Variants in CENPW observed in about 807,000 individuals in gnomAD.
The protein encoded by CENPW is centromere protein W.
CENPW carries 3 observed loss-of-function variants against 11.1 expected under a neutral mutation model. The observed-to-expected ratio is 0.27, with a 90% confidence interval of 0.12 to 0.70. CENPW has a LOEUF of 0.70. Ranked by LOEUF, CENPW falls within the 30% of genes least tolerant of loss-of-function variation. The pLI, the probability that CENPW is intolerant of heterozygous loss-of-function variation, is 0.77. For missense variants in CENPW, 100 were observed against 105.6 expected, an observed-to-expected ratio of 0.95 and a Z score of 0.23; for synonymous variants, 38 against 42.0, an observed-to-expected ratio of 0.91 and a Z score of 0.37.
At chr6:126,430,963 A>AT in the CENPW span, among the ~76,000 whole-genome samples, 2 of 152,076 alleles carry the variant, frequency 1.3e-5, no homozygotes, top group African/African-American at 2.4e-5. Flanking sequence ...ATAAGTAAAG[A>AT]TTATTATTGA....
the CENPW span, among the ~76,000 whole-genome samples, chr6:126,381,839 T>C: frequency 7.9e-5 from 12 of 152,242 alleles, no homozygotes; most frequent in South Asian, 6.2e-4. Flanking sequence ...CAGGGCTCAG[T>C]ACCAGTCCCC....
the CENPW span, among the ~76,000 whole-genome samples, chr6:126,369,179 C>G: frequency 3.9e-5 from 6 of 151,998 alleles, no homozygotes; most frequent in African/African-American, 1.2e-4. Context: ...TTTCTTTACC[C>G]ACTCGTTGAT....
chr6:126,426,394 T>G, the CENPW span, among the ~76,000 whole-genome samples: 1 of 152,198 alleles, frequency 6.6e-6, no homozygotes, highest in Admixed American at 6.6e-5. Context: ...CTGAAAGTTG[T>G]TTATTTATGA....
the CENPW span, among the ~76,000 whole-genome samples, chr6:126,398,705 T>C: frequency 2.0e-5 from 3 of 152,050 alleles, no homozygotes; most frequent in Non-Finnish European, 2.9e-5. Flanking sequence ...TGTGGAGATT[T>C]GTTACATGGG....
the CENPW span, among the ~76,000 whole-genome samples, chr6:126,354,739 A>AT: frequency 1.3e-5 from 2 of 152,012 alleles, no homozygotes; most frequent in African/African-American, 2.4e-5. Flanking sequence ...TAGTCCCTCC[A>AT]TTTTTTGTCA....
chr6:126,412,595 G>A, the CENPW span, among the ~76,000 whole-genome samples: 2 of 151,982 alleles, frequency 1.3e-5, no homozygotes, highest in African/African-American at 4.8e-5. Flanking sequence ...GTGTGTATGT[G>A]TTTCTTTAAA....
At chr6:126,441,142 G>A in the CENPW span, among the ~76,000 whole-genome samples, 33 of 151,398 alleles carry the variant, frequency 2.2e-4, no homozygotes, top group Non-Finnish European at 3.7e-4. Flanking sequence ...TTATGTAAAT[G>A]AGATCTGGTC....
At chr6:126,432,549 G>T in the CENPW span, among the ~76,000 whole-genome samples, 1 of 151,882 alleles carries the variant, frequency 6.6e-6, no homozygotes, top group Non-Finnish European at 1.5e-5. Flanking sequence ...CAGATATCAG[G>T]TTGAGTCAGG....
chr6:126,387,079 A>G, the CENPW span, among the ~76,000 whole-genome samples: 2 of 152,056 alleles, frequency 1.3e-5, no homozygotes, highest in Non-Finnish European at 2.9e-5. Flanking sequence ...AATCTAGAGT[A>G]TAAATCCTTA....
chr6:126,396,292 C>T, the CENPW span, among the ~76,000 whole-genome samples: 1 of 152,124 alleles, frequency 6.6e-6, no homozygotes, highest in African/African-American at 2.4e-5. Context: ...TGCCACCCTG[C>T]TTTCCACAGG....
intron 1 of CENPW, among the ~76,000 whole-genome samples, chr6:126,342,696 A>G (rs1207728254): frequency 6.6e-6 from 1 of 152,036 alleles, no homozygotes; most frequent in Non-Finnish European, 1.5e-5. Flanking sequence ...CTTCTTCTCC[A>G]TCATCTATTG....
chr6:126,376,085 C>G, the CENPW span, among the ~76,000 whole-genome samples: 1 of 152,266 alleles, frequency 6.6e-6, no homozygotes, highest in South Asian at 2.1e-4. Context: ...GGCTGAGACA[C>G]TAACCCAGTT....
chr6:126,444,173 T>C, the CENPW span, among the ~76,000 whole-genome samples: 1 of 150,758 alleles, frequency 6.6e-6, no homozygotes, highest in African/African-American at 2.4e-5. Flanking sequence ...TCTCTTCTGG[T>C]TATTTTTTTT....
chr6:126,424,912 A>G, the CENPW span, among the ~76,000 whole-genome samples: 1 of 152,066 alleles, frequency 6.6e-6, no homozygotes, highest in Non-Finnish European at 1.5e-5. Context: ...AGCACCTGAT[A>G]TAGGAGTATG....
At chr6:126,438,727 G>C in the CENPW span, among the ~76,000 whole-genome samples, 1 of 151,586 alleles carries the variant, frequency 6.6e-6, no homozygotes, top group South Asian at 2.1e-4. Context: ...CCTGTAAACT[G>C]ATATTTTATT....
At chr6:126,372,134 T>G in the CENPW span, among the ~76,000 whole-genome samples, 1 of 152,118 alleles carries the variant, frequency 6.6e-6, no homozygotes, top group African/African-American at 2.4e-5. Context: ...GGGTTTGGGT[T>G]TAATTTGTTC....
the CENPW span, among the ~76,000 whole-genome samples, chr6:126,462,101 T>C: frequency 6.6e-6 from 1 of 151,952 alleles, no homozygotes; most frequent in Non-Finnish European, 1.5e-5. Context: ...TTCATAAATA[T>C]TGAGATATTA....
the CENPW span, among the ~76,000 whole-genome samples, chr6:126,361,437 A>T: frequency 6.6e-6 from 1 of 152,056 alleles, no homozygotes; most frequent in African/African-American, 2.4e-5. Flanking sequence ...CTGGGACTAC[A>T]GGCGCCGGCT....
chr6:126,432,042 G>A, the CENPW span, among the ~76,000 whole-genome samples: 1 of 127,652 alleles, frequency 7.8e-6, no homozygotes, highest in African/African-American at 3.0e-5. Context: ...TCCAGCCTAG[G>A]CAACAGACTG....
Sources: gnomAD v4.1 joint callset for allele counts (sites outside exome capture counted in the v4.1 genomes callset) on GRCh38, gnomAD v4.1.1 for gene constraint, MANE v1.5 for transcripts, NCBI Gene and HGNC (gene_info 2026-07-23, HGNC 2026-07-21) for gene names.